SWAP70: variants seen among roughly 807,000 people sequenced by gnomAD.
The protein encoded by SWAP70 is switching B cell complex subunit SWAP70, also known as switch-associated protein 70.
A neutral mutation model predicts 80.2 loss-of-function variants in SWAP70; 34 were observed. The ratio of observed to expected loss-of-function variants is 0.42; its 90% CI spans 0.32 to 0.56. The LOEUF is 0.56. Ranked by LOEUF, SWAP70 falls within the 20% of genes least tolerant of loss-of-function variation. The pLI is 0.09. For missense variants in SWAP70, 578 were observed against 690.7 expected (o/e 0.84, Z 1.83); for synonymous variants, 239 against 238.5 (o/e 1.00, Z -0.02).
At chr11:9,695,192 G>T (rs1850739899) in intron 2 of SWAP70, among the ~76,000 whole-genome samples, 1 of 152,012 alleles carries the variant, frequency 6.6e-6, no homozygotes, top group South Asian at 2.1e-4. Context: ...TACTCAGGAG[G>T]CTGAGACAGG....
chr11:9,674,234 C>T (rs997841980), intron 1 of SWAP70, among the ~76,000 whole-genome samples: 4 of 152,096 alleles, frequency 2.6e-5, no homozygotes, highest in African/African-American at 9.7e-5. Flanking sequence ...CTTCTGAGGC[C>T]TAAAGCACCC....
chr11:9,740,765 A>G, intron 9 of SWAP70: 1 of 203,550 alleles, frequency 4.9e-6, no homozygotes. Context: ...AGGAATAAGG[A>G]AGAAATATGC....
chr11:9,725,569 A>ATATATTT (rs1554892086), intron 4 of SWAP70, among the ~76,000 whole-genome samples: 7 of 26,598 alleles, frequency 2.6e-4, no homozygotes, highest in South Asian at 1.7e-3. Context: ...ATATATATAT[A>ATATATTT]TTTTTTTTTT....
At chr11:9,673,356 C>T (rs1242866310) in intron 1 of SWAP70, among the ~76,000 whole-genome samples, 2 of 152,162 alleles carry the variant, frequency 1.3e-5, no homozygotes, top group Admixed American at 6.5e-5. Flanking sequence ...TGAAGAGAGA[C>T]ACAGGGCGAG....
At chr11:9,703,229 G>A (rs991330510) in intron 2 of SWAP70, among the ~76,000 whole-genome samples, 1 of 152,036 alleles carries the variant, frequency 6.6e-6, no homozygotes, top group East Asian at 1.9e-4. Flanking sequence ...ATGTTTTCAG[G>A]GTTCATCCAC....
At chr11:9,702,235 C>T (rs1261730183) in intron 2 of SWAP70, among the ~76,000 whole-genome samples, 1 of 152,040 alleles carries the variant, frequency 6.6e-6, no homozygotes, top group Non-Finnish European at 1.5e-5. Context: ...GAAATGACTC[C>T]CTTCAGTGCT....
At chr11:9,674,888 G>C (rs1220686226) in intron 1 of SWAP70, among the ~76,000 whole-genome samples, 4 of 151,740 alleles carry the variant, frequency 2.6e-5, no homozygotes, top group Non-Finnish European at 4.4e-5. Context: ...AGAATGGTGT[G>C]AACCCGGGAG....
At chr11:9,730,767 C>A (rs940781950) in intron 6 of SWAP70, among the ~76,000 whole-genome samples, 1 of 152,086 alleles carries the variant, frequency 6.6e-6, no homozygotes, top group African/African-American at 2.4e-5. Flanking sequence ...GAATTAATAA[C>A]CTTTAAAAAA....
intron 10 of SWAP70, among the ~76,000 whole-genome samples, chr11:9,748,538 C>T (rs1851541498): frequency 6.6e-6 from 1 of 152,192 alleles, no homozygotes; most frequent in African/African-American, 2.4e-5. Context: ...AGGCCACCGG[C>T]AAAAGCTGCC....
At chr11:9,741,558 C>T (rs1264142203) in intron 9 of SWAP70, 3 of 152,040 alleles carry the variant, frequency 2.0e-5, no homozygotes, top group Non-Finnish European at 2.9e-5. Flanking sequence ...TAATTTGAGC[C>T]GTGTTGAGAG....
intron 1 of SWAP70, among the ~76,000 whole-genome samples, chr11:9,677,403 A>G (rs1445386249): frequency 6.6e-6 from 1 of 152,148 alleles, no homozygotes; most frequent in Non-Finnish European, 1.5e-5. Context: ...TCTCATATAG[A>G]CACATATAAA....
In SWAP70 at chr11:9,664,114, G is replaced by A. The variant is rs1389086893; in HGVS notation, c.-66G>A. The stretch of plus-strand genomic sequence containing the variant: ...GGCGGGCTGTGGCTGCGGAGGTTGA[G>A]GGGCGTCCGAGGCGCGGAGGGGCTG... On this transcript the variant is annotated 5_prime_UTR_variant, in exon 1 of 12. Coordinates refer to ENST00000318950, the MANE Select transcript of SWAP70 (RefSeq NM_015055.4). 5.4e-6 allele frequency: 8 copies of A among 1,469,554 alleles called. No homozygotes were observed. Among genetic ancestry groups the A allele is most frequent in the Non-Finnish European group, 7.3e-6 (8 of 1,094,490 alleles). 91.0% of individuals were successfully genotyped at this position (1,469,554 alleles called of 1,614,324 possible).
Position 9,729,429 on chromosome 11 carries a change from G to A in SWAP70, c.876G>A (p.Lys292=). 6.2e-7 allele frequency: 1 copy of A among 1,610,678 alleles called. No individual in the cohort carries two copies. The highest frequency in any genetic ancestry group is 8.5e-7 in the Non-Finnish European group (1 of 1,177,244). ...TTGAAATCAGTGCTTCAGATAAGAA[G>A]AAGAAACAGGAGTGGATTCAAGGTA... The part of the protein sequence containing the change: ...KTFEISASDK[K]KKQEWIQAIH... Residue 292 remains lysine (K), a synonymous_variant, in exon 6 of 12, where the codon AAG becomes AAA. Coordinates refer to ENST00000318950, the MANE Select transcript of SWAP70 (RefSeq NM_015055.4).
intron 2 of SWAP70, among the ~76,000 whole-genome samples, chr11:9,697,756 G>A (rs968777139): frequency 1.3e-5 from 2 of 152,146 alleles, no homozygotes; most frequent in South Asian, 2.1e-4. Context: ...CTATGTATAT[G>A]TGTGTGTGTA....
At chr11:9,683,379 G>A (rs1196713175) in intron 1 of SWAP70, among the ~76,000 whole-genome samples, 1 of 151,766 alleles carries the variant, frequency 6.6e-6, no homozygotes, top group Non-Finnish European at 1.5e-5. Context: ...TCGAGCTACT[G>A]CACTCCAGCC....
intron 1 of SWAP70, among the ~76,000 whole-genome samples, chr11:9,675,388 AGAGAGAGAGAGAGAGAGAG>A (rs1565111753): frequency 8.2e-6 from 1 of 121,420 alleles, no homozygotes; most frequent in African/African-American, 3.5e-5. Flanking sequence ...AGAGAGAGAG[AGAGAGAGAGAGAGAGAGAG>A]AGAGAGAGAG....
Position 9,728,162 on chromosome 11 carries a change from A to G in SWAP70, c.752A>G (p.Lys251Arg). 6.2e-7 allele frequency: 1 copy of G among 1,612,668 alleles called. No homozygotes were observed. The highest frequency in any genetic ancestry group is 8.5e-7 in the Non-Finnish European group (1 of 1,179,548). ...GTGAGTGAGGATCTGAAGGATAAGA[A>G]AGGAGACATTCTCTTGGATGAAAAT... is the stretch of plus-strand genomic sequence containing the variant. The part of the protein sequence containing the change: ...YYVSEDLKDK[K>R]GDILLDENCC... The change falls in exon 5 of 12, where the codon AAA becomes AGA. Residue 251 changes from lysine (K) to arginine (R), a missense_variant. By Grantham distance (26) the Lys-to-Arg change is conservative. Coordinates refer to ENST00000318950, the MANE Select transcript of SWAP70 (RefSeq NM_015055.4).
intron 2 of SWAP70, among the ~76,000 whole-genome samples, chr11:9,703,022 T>C (rs1051458905): frequency 2.0e-5 from 3 of 152,176 alleles, no homozygotes; most frequent in Admixed American, 2.0e-4. Flanking sequence ...ATTACCACAA[T>C]TGATTTTAGA....
At chr11:9,704,552 G>T (rs1181098095) in intron 2 of SWAP70, among the ~76,000 whole-genome samples, 1 of 151,882 alleles carries the variant, frequency 6.6e-6, no homozygotes, top group Non-Finnish European at 1.5e-5. Context: ...GAGCCACCAC[G>T]CCTGGGTAAT....
Sources: allele counts gnomAD v4.1 joint callset (sites outside exome capture counted in the v4.1 genomes callset), GRCh38; gene constraint gnomAD v4.1.1; transcripts MANE v1.5; gene names NCBI Gene and HGNC (gene_info 2026-07-23, HGNC 2026-07-21).